FHIT: variants seen among roughly 807,000 people sequenced by gnomAD.
FHIT encodes fragile histidine triad diadenosine triphosphatase.
In FHIT, 19 loss-of-function variants were observed where a neutral mutation model predicts 17.9. The ratio of observed to expected loss-of-function variants is 1.06; its 90% CI spans 0.74 to 1.56. The LOEUF is 1.56. FHIT is among the 40% of genes most tolerant of loss of function. The pLI is 0.00. For missense variants in FHIT, 248 were observed against 189.2 expected (o/e 1.31, Z -1.82); for synonymous variants, 81 against 69.7 (o/e 1.16, Z -0.81).
intron 4 of FHIT, among the ~76,000 whole-genome samples, chr3:60,725,857 A>T (rs1248672184): frequency 6.6e-6 from 1 of 152,124 alleles, no homozygotes; most frequent in African/African-American, 2.4e-5. Flanking sequence ...AACTTACATG[A>T]TCTTCCTGCC....
intron 8 of FHIT, among the ~76,000 whole-genome samples, chr3:59,907,592 C>T (rs1201625751): frequency 6.6e-6 from 1 of 152,150 alleles, no homozygotes; most frequent in Non-Finnish European, 1.5e-5. Flanking sequence ...CATGAGTGGG[C>T]ACGTGCATGC....
intron 5 of FHIT, among the ~76,000 whole-genome samples, chr3:60,379,906 G>C (rs1218325350): frequency 1.3e-5 from 2 of 152,020 alleles, no homozygotes; most frequent in Non-Finnish European, 2.9e-5. Context: ...GTATCTCTAG[G>C]GCTTCTGTGT....
intron 2 of FHIT, among the ~76,000 whole-genome samples, chr3:61,102,319 G>A (rs748267640): frequency 3.9e-5 from 6 of 152,128 alleles, no homozygotes; most frequent in Non-Finnish European, 7.4e-5. Flanking sequence ...TAATCATGTG[G>A]TTTTTGTCTT....
intron 4 of FHIT, among the ~76,000 whole-genome samples, chr3:60,659,673 A>AT (rs2040195920): frequency 6.6e-6 from 1 of 151,930 alleles, no homozygotes; most frequent in Non-Finnish European, 1.5e-5. Flanking sequence ...TACATCATTT[A>AT]TTTTTTACTT....
chr3:60,013,908 A>T, intron 6 of FHIT, 99 bp downstream of exon 6: 1 of 1,254,964 alleles, frequency 8.0e-7, no homozygotes. Context: ...AAATACAAAC[A>T]ATCACATCTG....
chr3:59,955,613 A>G (rs192759994), intron 7 of FHIT, among the ~76,000 whole-genome samples: 17 of 152,214 alleles, frequency 1.1e-4, no homozygotes, highest in African/African-American at 4.1e-4. Flanking sequence ...TCTCAACCCA[A>G]TATGTCAAAA....
chr3:61,190,923 G>T (rs2038693652), intron 2 of FHIT, among the ~76,000 whole-genome samples: 2 of 136,894 alleles, frequency 1.5e-5, no homozygotes, highest in South Asian at 2.7e-4. Context: ...ACCCACTGGG[G>T]CTTGTTGTGG....
At chr3:60,824,007 T>A (rs1244213738) in intron 3 of FHIT, among the ~76,000 whole-genome samples, 1 of 152,144 alleles carries the variant, frequency 6.6e-6, no homozygotes, top group Non-Finnish European at 1.5e-5. Context: ...GTCAGAGTGA[T>A]GACAAGGAGC....
chr3:60,258,109 G>T (rs187419904), intron 5 of FHIT, among the ~76,000 whole-genome samples: 53 of 122,458 alleles, frequency 4.3e-4, no homozygotes. Flanking sequence ...CACCTCTGCA[G>T]ATTTTGTACA....
chr3:60,099,747 C>G (rs1337526404), intron 5 of FHIT, among the ~76,000 whole-genome samples: 1 of 152,086 alleles, frequency 6.6e-6, no homozygotes, highest in African/African-American at 2.4e-5. Context: ...TAATGGTTTA[C>G]TGGGAGTATT....
chr3:61,152,874 TG>T (rs1161453459), intron 2 of FHIT, among the ~76,000 whole-genome samples: 3 of 152,154 alleles, frequency 2.0e-5, no homozygotes, highest in African/African-American at 7.2e-5. Flanking sequence ...CTGGGTGCGG[TG>T]GCTCACACCT....
intron 8 of FHIT, among the ~76,000 whole-genome samples, chr3:59,801,585 G>A (rs965485337): frequency 1.3e-5 from 2 of 152,078 alleles, no homozygotes; most frequent in Non-Finnish European, 2.9e-5. Flanking sequence ...ACAGTGTGAG[G>A]AGAATGAAGC....
At chr3:60,139,279 C>G (rs1699936785) in intron 5 of FHIT, among the ~76,000 whole-genome samples, 1 of 152,100 alleles carries the variant, frequency 6.6e-6, no homozygotes, top group Admixed American at 6.6e-5. Context: ...ATTTGCCATC[C>G]CATAGCTGAT....
At chr3:61,207,735 G>T (rs1207226191) in intron 1 of FHIT, among the ~76,000 whole-genome samples, 1 of 152,012 alleles carries the variant, frequency 6.6e-6, no homozygotes, top group East Asian at 1.9e-4. Context: ...CTTGCTAGAG[G>T]TCTATCAATT....
chr3:60,764,671 T>A (rs1475401767), intron 4 of FHIT, among the ~76,000 whole-genome samples: 1 of 151,956 alleles, frequency 6.6e-6, no homozygotes, highest in Non-Finnish European at 1.5e-5. Flanking sequence ...AAGATATTTA[T>A]AAGAAATAAA....
In FHIT at chr3:60,009,196, T is replaced by C. The variant is rs887460997; in HGVS notation, c.279+2175A>G. Among the ~76,000 whole-genome samples the C allele has an allele frequency of 8.7e-3, 1,294 of 148,952 alleles. 19 individuals are homozygous for C. Among genetic ancestry groups the C allele is most frequent in the African/African-American group, 0.03 (1,210 of 40,212 alleles). On this transcript the variant is annotated intron_variant, in intron 7 of 9. Transcript: ENST00000492590. The stretch of plus-strand genomic sequence containing the variant: ...GTGTGTGTGTGTGTGTGTGTGTGTG[T>C]GTGTGTGTGTGTGTGTGTGTGTGTG...
rs532461641 is a variant in FHIT at position 60,563,953 on chromosome 3, T to C, written c.-17-26974A>G. Among the ~76,000 whole-genome samples the C allele has an allele frequency of 4.0e-4, 61 of 152,294 alleles. 1 individual carries two copies. The South Asian group carries it at 7.9e-3, about 20-fold the overall frequency. On this transcript the variant is annotated intron_variant, in intron 4 of 9. Coordinates refer to ENST00000492590, the MANE Select transcript of FHIT (RefSeq NM_002012.4). ...ATATTAAACAATAGATTTTCGATAGTGACAAAACAGCCTTCTATTGGAAGG... is the reference window on the plus strand; with the variant it reads ...ATATTAAACAATAGATTTTCGATAGCGACAAAACAGCCTTCTATTGGAAGG...
At chr3:60,485,145 A>G (rs1347045603) in intron 5 of FHIT, among the ~76,000 whole-genome samples, 1 of 152,184 alleles carries the variant, frequency 6.6e-6, no homozygotes, top group Non-Finnish European at 1.5e-5. Flanking sequence ...CTGAAAAACC[A>G]AGAAACAACA....
intron 7 of FHIT, among the ~76,000 whole-genome samples, chr3:59,930,965 C>T (rs1395003915): frequency 6.6e-6 from 1 of 152,086 alleles, no homozygotes; most frequent in Non-Finnish European, 1.5e-5. Flanking sequence ...GATGGGTGGC[C>T]AAGGTTCAGA....
Sources: allele counts gnomAD v4.1 joint callset (sites outside exome capture counted in the v4.1 genomes callset), GRCh38; gene constraint gnomAD v4.1.1; transcripts MANE v1.5; gene names NCBI Gene and HGNC (gene_info 2026-07-23, HGNC 2026-07-21).